The following DUSP9 variants were observed in gnomAD, a reference collection of about 807,000 sequenced individuals.
The protein encoded by DUSP9 is dual specificity phosphatase 9.
In DUSP9, 4 loss-of-function variants were observed where a neutral mutation model predicts 13.2. The ratio of observed to expected loss-of-function variants is 0.30; its 90% CI spans 0.15 to 0.69. The LOEUF (loss-of-function observed/expected upper bound fraction) is 0.69. DUSP9 is among the 30% of genes least tolerant of loss of function. DUSP9 has a pLI of 0.73. For synonymous variants in DUSP9, 166 were observed against 172.3 expected, an observed-to-expected ratio of 0.96 and a Z score of 0.29; for missense variants, 263 against 355.0, an observed-to-expected ratio of 0.74 and a Z score of 2.08.
chrX:153,645,458 C>G (rs782169089), upstream of DUSP9, among the ~76,000 whole-genome samples: 7 of 113,005 alleles, frequency 6.2e-5, no homozygotes, highest in African/African-American at 2.2e-4. Context: ...TGGGAGTCCC[C>G]GGCTAGCAGC....
upstream of DUSP9, among the ~76,000 whole-genome samples, chrX:153,644,486 G>A (rs1557035267): frequency 3.7e-5 from 4 of 108,823 alleles, no homozygotes; most frequent in Admixed American, 9.5e-5. Flanking sequence ...GGGCCTGAGT[G>A]GGGGCGGCCC....
rs2091216382 is a variant in DUSP9 at position 153,651,264 on chromosome X, T to C, written c.*959T>C. On this transcript the variant is annotated 3_prime_UTR_variant, in exon 4 of 4. Transcript: ENST00000342782. ...GATCTATGCTTGTTTGTTTTTGTAA[T>C]CCATATCATAGTTGCTTTCTTTAAT... 1 of 112,668 alleles carries C rather than the reference T, an allele frequency of 8.9e-6. No homozygotes were observed. The highest frequency in any genetic ancestry group is 1.9e-5 in the Non-Finnish European group (1 of 53,248). 9.3% of individuals were successfully genotyped at this position (112,668 alleles called of 1,213,427 possible).
upstream of DUSP9, among the ~76,000 whole-genome samples, chrX:153,644,273 G>A (rs868982061): frequency 1.1e-5 from 1 of 93,153 alleles, no homozygotes; most frequent in Non-Finnish European, 2.2e-5. Context: ...CGGAGGCCCG[G>A]GGCGCCCGGC....
intron 3 of DUSP9, 115 bp downstream of exon 3, chrX:153,649,802 T>C: frequency 2.2e-6 from 2 of 901,879 alleles, no homozygotes; most frequent in Admixed American, 3.0e-5. Context: ...AAAGCCTAGG[T>C]GACAGTTCTA....
Position 153,648,262 on chromosome X carries a change from G to A in DUSP9, c.309G>A (p.Glu103=). The part of the protein sequence containing the change: ...AEAEAEEWEA[E]SVLGTLLQKL... Reference sequence around the variant, plus strand: ...CCGAGGCCGAGGAGTGGGAGGCCGAGTCGGTGCTGGGCACCCTGCTGCAGA... The same window carrying A: ...CCGAGGCCGAGGAGTGGGAGGCCGAATCGGTGCTGGGCACCCTGCTGCAGA... The change falls in exon 2 of 4, where the codon GAG becomes GAA. Residue 103 remains glutamate (E), a synonymous_variant. Transcript: ENST00000342782. 1 of 1,131,090 alleles carries A rather than the reference G, an allele frequency of 8.8e-7. No homozygotes were observed. The highest frequency in any genetic ancestry group is 1.2e-6 in the Non-Finnish European group (1 of 862,015). 93.2% of individuals were successfully genotyped at this position (1,131,090 alleles called of 1,213,427 possible).
Position 153,649,601 on chromosome X carries a change from G to A in DUSP9, c.743G>A (p.Gly248Asp), listed in dbSNP as rs1557036133. 1.7e-6 allele frequency: 2 copies of A among 1,210,644 alleles called. No individual in the cohort carries two copies. The highest frequency in any genetic ancestry group is 3.5e-5 in the African/African-American group (2 of 57,441). The change falls in exon 3 of 4, where the codon GGT becomes GAT. Residue 248 changes from glycine (G) to aspartate (D), a missense_variant. Physicochemically the swap from Gly to Asp is moderately conservative, Grantham distance 94. Transcript: ENST00000342782. ...CTCCCAAACTTCTTCGAGAAGAATG[G>A]TGACTTTCACTACAAGCAGATCCCC... Reference protein sequence around the residue: ...PNLPNFFEKNGDFHYKQIPIS... With the variant: ...PNLPNFFEKNDDFHYKQIPIS...
At chrX:153,642,694 C>T (rs1442380921), upstream of DUSP9, 1 of 106,709 alleles carries the variant, frequency 9.4e-6, no homozygotes, top group Non-Finnish European at 2.0e-5. Flanking sequence ...CTCCTCCACC[C>T]TGCACCCCCA....
chrX:153,648,682 G>A (rs782501800), intron 2 of DUSP9, among the ~76,000 whole-genome samples: 2 of 112,201 alleles, frequency 1.8e-5, no homozygotes, highest in African/African-American at 3.2e-5. Context: ...GTGCAATCAC[G>A]GCTCACTGAA....
chrX:153,645,304 C>T (rs1312407346), upstream of DUSP9, among the ~76,000 whole-genome samples: 3 of 113,180 alleles, frequency 2.7e-5, no homozygotes, highest in Non-Finnish European at 5.6e-5. Flanking sequence ...AGGAGGGAGG[C>T]CTGGGCTGGG....
chrX:153,650,631 C>T lies in DUSP9; in HGVS notation c.*326C>T, dbSNP rs1434363235. 3.9e-6 allele frequency: 1 copy of T among 256,905 alleles called. No homozygotes were observed. Among genetic ancestry groups the T allele is most frequent in the East Asian group, 7.0e-5 (1 of 14,208 alleles). 21.2% of individuals were successfully genotyped at this position (256,905 alleles called of 1,213,427 possible). ...CTGCGCCTCCCTGCGCTTCCCCCTTCAGGAAGGGTGTGTGCCACCTCGTTG... is the reference window on the plus strand; with the variant it reads ...CTGCGCCTCCCTGCGCTTCCCCCTTTAGGAAGGGTGTGTGCCACCTCGTTG... On this transcript the variant is annotated 3_prime_UTR_variant, in exon 4 of 4. Transcript: ENST00000342782.
At chrX:153,648,389 ACTT>A (rs1300168812) in intron 2 of DUSP9, 63 bp downstream of exon 2, 156 of 1,029,690 alleles carry the variant, frequency 1.5e-4, no homozygotes, top group Non-Finnish European at 1.9e-4. Context: ...GGCCAGCCCC[ACTT>A]CTTTTTTTCT....
chrX:153,647,044 C>T (rs868995596), upstream of DUSP9, among the ~76,000 whole-genome samples: 2 of 112,676 alleles, frequency 1.8e-5, no homozygotes, highest in African/African-American at 6.4e-5. Flanking sequence ...GCCCCGACCC[C>T]GTCCCGCCTC....
chrX:153,647,938 A>T lies in DUSP9; in HGVS notation c.-16A>T. On this transcript the variant is annotated 5_prime_UTR_variant, in exon 2 of 4. Coordinates refer to ENST00000342782, the MANE Select transcript of DUSP9 (RefSeq NM_001318503.2). The stretch of plus-strand genomic sequence containing the variant: ...TCGCAGCGCCCGTGGTCCAGCGTGT[A>T]GGGAGCCGATCGCCCATGGAGGGTC... 9.6e-7 allele frequency: 1 copy of T among 1,039,345 alleles called. No homozygotes were observed. The allele number at this position is 1,039,345 out of a possible 1,213,427, so 85.7% of individuals were successfully genotyped here. A position where few individuals can be genotyped will look rare whatever the true frequency, so the allele number is the denominator to read the frequency against.
intron 3 of DUSP9, 47 bp downstream of exon 3, chrX:153,649,734 G>A: frequency 3.9e-6 from 4 of 1,023,631 alleles, no homozygotes; most frequent in Non-Finnish European, 2.6e-6. Context: ...CCCAAGGCCT[G>A]CTCTGGCCTC....
chrX:153,650,555 T>C lies in DUSP9; in HGVS notation c.*250T>C. The C allele has an allele frequency of 5.3e-6, 2 of 376,699 alleles. No individual in the cohort carries two copies. The highest frequency in any genetic ancestry group is 9.2e-6 in the Non-Finnish European group (2 of 217,416). 31.0% of individuals were successfully genotyped at this position (376,699 alleles called of 1,213,427 possible). ...GGGTGGGGGTTCCCTCTCCAGGTGG[T>C]TGTCCAGGCCCAGGTCCCGGCCCTG... On this transcript the variant is annotated 3_prime_UTR_variant, in exon 4 of 4. Coordinates refer to ENST00000342782, the MANE Select transcript of DUSP9 (RefSeq NM_001318503.2).
chrX:153,647,823 A>T, intron 1 of DUSP9, 96 bp from the exon 2 acceptor site: 1 of 749,029 alleles, frequency 1.3e-6, no homozygotes, highest in East Asian at 4.4e-5. Context: ...ATGGTGGGGG[A>T]CCCTGGGCTC....
chrX:153,648,590 T>TC (rs1365038530), intron 2 of DUSP9, among the ~76,000 whole-genome samples: 2 of 110,614 alleles, frequency 1.8e-5, no homozygotes, highest in Non-Finnish European at 3.8e-5. Context: ...AAGTGCGGGC[T>TC]CCCCAGGGTC....
rs782762375 is a variant in DUSP9, at chrX:153,649,393, G to T, written c.535G>T (p.Asp179Tyr). The change falls in exon 3 of 4, where the codon GAC becomes TAC. Residue 179 changes from aspartate to tyrosine, a missense_variant. Physicochemically the swap from Asp to Tyr is radical, Grantham distance 160. Transcript: ENST00000342782. Reference protein sequence around the residue: ...SDCSDAESEADRDSMSCGLDS... With the variant: ...SDCSDAESEAYRDSMSCGLDS... Reference sequence around the variant, plus strand: ...CTGCTCTGATGCGGAATCCGAGGCTGACCGCGACTCCATGAGCTGTGGCCT... The same window carrying T: ...CTGCTCTGATGCGGAATCCGAGGCTTACCGCGACTCCATGAGCTGTGGCCT... The T allele has an allele frequency of 8.3e-7, 1 of 1,211,394 alleles. No homozygotes were observed. The highest frequency in any genetic ancestry group is 1.1e-6 in the Non-Finnish European group (1 of 895,549).
chrX:153,644,912 G>A, upstream of DUSP9, among the ~76,000 whole-genome samples: 1 of 112,944 alleles, frequency 8.9e-6, no homozygotes, highest in East Asian at 2.8e-4. Context: ...CCCCACGGCA[G>A]GGCGGGCCGG....
Sources: gnomAD v4.1 joint callset for allele counts (sites outside exome capture counted in the v4.1 genomes callset) on GRCh38, gnomAD v4.1.1 for gene constraint, MANE v1.5 for transcripts, NCBI Gene and HGNC (gene_info 2026-07-23, HGNC 2026-07-21) for gene names.